Variants in LEF1 observed in about 807,000 individuals in gnomAD.
LEF1 encodes lymphoid enhancer-binding factor 1.
In LEF1, 14 loss-of-function variants were observed where a neutral mutation model predicts 51.2. The observed-to-expected ratio is 0.27, with a 90% confidence interval of 0.18 to 0.43. LEF1 has a LOEUF of 0.43. LEF1 is among the 20% of genes least tolerant of loss of function. The pLI is 1.00. For missense variants in LEF1, 386 were observed against 512.0 expected (o/e 0.75, Z 2.37); for synonymous variants, 185 against 183.2 (o/e 1.01, Z -0.08).
chr4:108,139,140 A>G (rs1743487911), intron 3 of LEF1, among the ~76,000 whole-genome samples: 2 of 152,214 alleles, frequency 1.3e-5, no homozygotes, highest in South Asian at 4.1e-4. Context: ...GCTAAGCTTC[A>G]ATGTTTACAG....
chr4:108,117,712 G>C (rs538464453), intron 3 of LEF1, among the ~76,000 whole-genome samples: 1 of 152,178 alleles, frequency 6.6e-6, no homozygotes, highest in Admixed American at 6.5e-5. Context: ...GAAGCTTTGC[G>C]GGGAGGGGGA....
intron 3 of LEF1, among the ~76,000 whole-genome samples, chr4:108,111,964 G>C (rs550783701): frequency 3.6e-4 from 55 of 152,180 alleles, no homozygotes; most frequent in Non-Finnish European, 1.2e-4. Flanking sequence ...TTAGGTCCTA[G>C]TCTTATGGTG....
intron 3 of LEF1, among the ~76,000 whole-genome samples, chr4:108,140,773 C>T (rs533230496): frequency 2.0e-5 from 3 of 152,328 alleles, no homozygotes; most frequent in African/African-American, 7.2e-5. Context: ...CAAGATTAAG[C>T]ATACTTGTAC....
At chr4:108,092,073 C>G (rs1740061104) in intron 3 of LEF1, among the ~76,000 whole-genome samples, 1 of 152,280 alleles carries the variant, frequency 6.6e-6, no homozygotes, top group South Asian at 2.1e-4. Context: ...TAATGTCTGA[C>G]CTATCCCTCC....
chr4:108,167,651 G>A lies in LEF1; in HGVS notation c.117C>T (p.Ala39=), dbSNP rs745326841. 1 of 1,614,202 alleles carries A rather than the reference G, an allele frequency of 6.2e-7. No homozygotes were observed. The highest frequency in any genetic ancestry group is 8.5e-7 in the Non-Finnish European group (1 of 1,180,034). Residue 39 remains alanine, a synonymous_variant, in exon 1 of 12, where the codon GCC becomes GCT. Coordinates refer to ENST00000265165, the MANE Select transcript of LEF1 (RefSeq NM_016269.5). This position sits in a 1 kb window ranked among gnomAD's most constrained non-coding sequence, Gnocchi z 5.7. The part of the protein sequence containing the change: ...EGDPQKEKIF[A]EISHPEEEGD... Reference sequence around the variant, plus strand: ...CTTCCTCTTCGGGATGACTGATCTCGGCGAAGATCTTTTCCTTCTGAGGAT... The same window carrying A: ...CTTCCTCTTCGGGATGACTGATCTCAGCGAAGATCTTTTCCTTCTGAGGAT...
chr4:108,087,949 G>A (rs562835535), intron 4 of LEF1, among the ~76,000 whole-genome samples: 2 of 152,248 alleles, frequency 1.3e-5, no homozygotes, highest in South Asian at 4.1e-4. Flanking sequence ...TAATTTGTTG[G>A]AGGCTCTTGA....
Position 108,050,191 on chromosome 4 carries a change from A to C in LEF1, c.*7-1440T>G, listed in dbSNP as rs576747059. Among the ~76,000 whole-genome samples, 3 of 152,352 alleles carry C rather than the reference A, an allele frequency of 2.0e-5. No homozygotes were observed. In the South Asian group the frequency reaches 6.2e-4, roughly 32 times the overall value. Reference sequence around the variant, plus strand: ...GAGGAGGTCCTCCAATGACAATTTCATTTTCTATTCTCCTGGAAAATCAAC... The same window carrying C: ...GAGGAGGTCCTCCAATGACAATTTCCTTTTCTATTCTCCTGGAAAATCAAC... On this transcript the variant is annotated intron_variant, in intron 11 of 11. Coordinates refer to ENST00000265165, the MANE Select transcript of LEF1 (RefSeq NM_016269.5).
At chr4:108,091,861 C>T (rs1053678503) in intron 3 of LEF1, among the ~76,000 whole-genome samples, 1 of 152,066 alleles carries the variant, frequency 6.6e-6, no homozygotes, top group Non-Finnish European at 1.5e-5. Flanking sequence ...ATGTTAAAAT[C>T]GATAGATTTC....
At position 108,079,526 on chromosome 4, in the gene LEF1, C is replaced by T. The variant is rs772461379; in HGVS notation, c.811G>A (p.Glu271Lys). The change falls in exon 7 of 12, where the codon GAA (glutamate) becomes AAA (lysine). Residue 271 changes from glutamate to lysine, a missense_variant. This residue lies in a region of LEF1 where 335 missense variants were observed against 390.7 expected (regional missense o/e 0.86). Coordinates refer to ENST00000265165, the MANE Select transcript of LEF1 (RefSeq NM_016269.5). ...PAIVTPQVKQEHPHTDSDLMH... is the reference protein window; with the variant it reads ...PAIVTPQVKQKHPHTDSDLMH... ...AGGTCACTGTCAGTGTGGGGATGTT[C>T]CTGTTTGACCTGAGGTGTTACAATA... 1.1e-5 allele frequency: 17 copies of T among 1,613,938 alleles called. No homozygotes were observed. The highest frequency in any genetic ancestry group is 1.4e-5 in the Non-Finnish European group (16 of 1,179,996).
chr4:108,053,663 A>G (rs546211878), intron 11 of LEF1, among the ~76,000 whole-genome samples: 3 of 152,236 alleles, frequency 2.0e-5, no homozygotes, highest in Non-Finnish European at 2.9e-5. Flanking sequence ...CTTCCTGATC[A>G]GCCTAGCCCT....
intron 3 of LEF1, among the ~76,000 whole-genome samples, chr4:108,094,769 A>C (rs1412298971): frequency 6.6e-6 from 1 of 152,220 alleles, no homozygotes; most frequent in East Asian, 1.9e-4. Context: ...ATCCAGGGGA[A>C]TTTTAACACT....
rs530172809 is a variant in LEF1 at position 108,094,035 on chromosome 4, A to T, written c.415-4778T>A. 2.2e-3 allele frequency among the ~76,000 whole-genome samples: 328 copies of T among 152,324 alleles called. 3 individuals are homozygous for T. The highest frequency in any genetic ancestry group is 0.01 in the Middle Eastern group (3 of 294). The stretch of plus-strand genomic sequence containing the variant: ...ATTCTTGAAGGGTATGTGCTCTAGC[A>T]AGCAGCCAAGCCAGGATTCAAATGC... On this transcript the variant is annotated intron_variant, in intron 3 of 11. Transcript: ENST00000265165.
chr4:108,060,999 T>G (rs1286100576), intron 11 of LEF1, among the ~76,000 whole-genome samples: 1 of 152,156 alleles, frequency 6.6e-6, no homozygotes, highest in Non-Finnish European at 1.5e-5. Context: ...TTTATGGAAA[T>G]CTTTATGAAG....
At position 108,167,910 on chromosome 4, in the gene LEF1, G is replaced by C; in HGVS notation, c.-143C>G. Reference sequence around the variant, plus strand: ...GACAGCGGGCGGAAGCGGGGCGGGCGAGCGCGGGGCCGCCGGCCGGCAGCC... The same window carrying C: ...GACAGCGGGCGGAAGCGGGGCGGGCCAGCGCGGGGCCGCCGGCCGGCAGCC... On this transcript the variant is annotated 5_prime_UTR_variant, in exon 1 of 12. Coordinates refer to ENST00000265165, the MANE Select transcript of LEF1 (RefSeq NM_016269.5). The surrounding 1 kb of genome is among the most constrained non-coding windows in gnomAD (Gnocchi z 5.7). 1 of 541,734 alleles carries C rather than the reference G, an allele frequency of 1.8e-6. No homozygotes were observed. The highest frequency in any genetic ancestry group is 8.3e-5 in the South Asian group (1 of 11,980). The allele number at this position is 541,734 out of a possible 1,614,324, so 33.6% of individuals were successfully genotyped here.
chr4:108,108,242 G>A (rs146299521), intron 3 of LEF1, among the ~76,000 whole-genome samples: 25 of 152,220 alleles, frequency 1.6e-4, no homozygotes, highest in African/African-American at 5.5e-4. Flanking sequence ...TCAACCTTCA[G>A]GTGCTTTGCA....
chr4:108,126,759 C>T (rs190372326), intron 3 of LEF1, among the ~76,000 whole-genome samples: 6 of 142,688 alleles, frequency 4.2e-5, no homozygotes, highest in African/African-American at 1.3e-4. Flanking sequence ...CAGCCATGAT[C>T]GCGCCAATAT....
chr4:108,098,286 G>A (rs1160848903), intron 3 of LEF1, among the ~76,000 whole-genome samples: 2 of 152,124 alleles, frequency 1.3e-5, no homozygotes, highest in East Asian at 3.9e-4. Flanking sequence ...AACAATGAAT[G>A]GTTGGGCCTG....
chr4:108,141,928 C>T (rs1301731508), intron 3 of LEF1, among the ~76,000 whole-genome samples: 1 of 152,002 alleles, frequency 6.6e-6, no homozygotes, highest in Admixed American at 6.6e-5. Context: ...TAATTTAAAG[C>T]AGCACAAAAG....
At chr4:108,102,173 C>T (rs1001226977) in intron 3 of LEF1, among the ~76,000 whole-genome samples, 2 of 151,726 alleles carry the variant, frequency 1.3e-5, no homozygotes, top group Non-Finnish European at 2.9e-5. Flanking sequence ...TTAATGGCAA[C>T]GTGCACTGGG....
Sources: gnomAD v4.1 joint callset for allele counts (sites outside exome capture counted in the v4.1 genomes callset) on GRCh38, gnomAD v4.1.1 for gene constraint, gnomAD v4.1.1 regional missense constraint, Gnocchi (gnomAD v3.1) non-coding constraint, MANE v1.5 for transcripts, NCBI Gene and HGNC (gene_info 2026-07-23, HGNC 2026-07-21) for gene names.